BLTP3B: variants seen among roughly 807,000 people sequenced by gnomAD.
BLTP3B encodes bridge-like lipid transfer protein family member 3B, also known as UHRF1 (ICBP90) binding protein 1-like.
the BLTP3B span, chr12:100,069,772 T>G: frequency 9.0e-6 from 2 of 222,832 alleles, no homozygotes; most frequent in Non-Finnish European, 1.5e-5. Context: ...ACTGCTCCAG[T>G]GATGGGTGCA....
chr12:100,070,909 C>G, the BLTP3B span, among the ~76,000 whole-genome samples: 1 of 151,954 alleles, frequency 6.6e-6, no homozygotes, highest in African/African-American at 2.4e-5. Flanking sequence ...AGGAGAATCA[C>G]TTGAACCTGG....
At chr12:100,056,628 A>C in the BLTP3B span, among the ~76,000 whole-genome samples, 2 of 151,778 alleles carry the variant, frequency 1.3e-5, no homozygotes, top group Non-Finnish European at 2.9e-5. Context: ...ATTCGAGGTC[A>C]GGAGTTTGAG....
At chr12:100,039,581 T>C in the BLTP3B span, 1 of 1,599,440 alleles carries the variant, frequency 6.3e-7, no homozygotes, top group African/African-American at 1.3e-5. Context: ...GAATCTGAAT[T>C]AGGTTTCCCA....
the BLTP3B span, chr12:100,047,706 A>C: frequency 8.4e-7 from 1 of 1,196,770 alleles, no homozygotes; most frequent in Admixed American, 1.8e-5. Context: ...GTTAAAGATA[A>C]CACATGTATC....
the BLTP3B span, among the ~76,000 whole-genome samples, chr12:100,048,522 T>C: frequency 1.3e-5 from 2 of 152,222 alleles, no homozygotes; most frequent in Admixed American, 6.5e-5. Flanking sequence ...ATGTTGGCTG[T>C]GAAGCAGAAA....
chr12:100,135,116 T>C, the BLTP3B span, among the ~76,000 whole-genome samples: 2 of 152,186 alleles, frequency 1.3e-5, no homozygotes, highest in African/African-American at 4.8e-5. Flanking sequence ...TGTTTTCTCT[T>C]TGATCGCATC....
At chr12:100,091,333 G>A in the BLTP3B span, among the ~76,000 whole-genome samples, 15,266 of 149,806 alleles carry the variant, frequency 0.1, 1,052 homozygotes, top group Non-Finnish European at 0.16. Context: ...GGACTACAGC[G>A]CCCGCCACCA....
the BLTP3B span, among the ~76,000 whole-genome samples, chr12:100,124,936 T>TTTTATATATA: frequency 3.5e-5 from 2 of 56,544 alleles, no homozygotes; most frequent in Non-Finnish European, 6.5e-5. Flanking sequence ...AAAAAAAATT[T>TTTTATATATA]TATATATATA....
At chr12:100,053,238 C>T in the BLTP3B span, among the ~76,000 whole-genome samples, 1,030 of 151,918 alleles carry the variant, frequency 6.8e-3, 10 homozygotes, top group Non-Finnish European at 0.012. Flanking sequence ...AACCCCATCT[C>T]GACTAAAAAT....
chr12:100,116,196 G>C, the BLTP3B span, among the ~76,000 whole-genome samples: 1 of 149,300 alleles, frequency 6.7e-6, no homozygotes, highest in East Asian at 1.9e-4. Context: ...GTAAAATCTA[G>C]CCAGACACAG....
chr12:100,082,557 T>C, the BLTP3B span, among the ~76,000 whole-genome samples: 5 of 152,222 alleles, frequency 3.3e-5, no homozygotes, highest in South Asian at 1.0e-3. Context: ...TCATCTTGAG[T>C]TAATTTTTGT....
the BLTP3B span, among the ~76,000 whole-genome samples, chr12:100,118,360 C>G: frequency 3.3e-5 from 5 of 151,956 alleles, no homozygotes; most frequent in Non-Finnish European, 7.4e-5. Context: ...CTACTGCACT[C>G]CAGTCTGGGA....
the BLTP3B span, among the ~76,000 whole-genome samples, chr12:100,076,604 G>C: frequency 6.6e-6 from 1 of 152,072 alleles, no homozygotes; most frequent in Non-Finnish European, 1.5e-5. Flanking sequence ...ATGTTGGCCA[G>C]GCTGGTCTCT....
the BLTP3B span, among the ~76,000 whole-genome samples, chr12:100,126,083 G>T: frequency 6.6e-6 from 1 of 152,188 alleles, no homozygotes; most frequent in African/African-American, 2.4e-5. Context: ...CTGGGCAAAA[G>T]AGTAAGGCTA....
the BLTP3B span, chr12:100,098,378 G>A: frequency 6.2e-7 from 1 of 1,607,568 alleles, no homozygotes; most frequent in Admixed American, 1.7e-5. Flanking sequence ...TCCTGAATAC[G>A]AGTAAATCTC....
At chr12:100,095,764 G>A in the BLTP3B span, 1 of 1,613,526 alleles carries the variant, frequency 6.2e-7, no homozygotes, top group Non-Finnish European at 8.5e-7. Flanking sequence ...TTTCAACTGG[G>A]AATCAGTCAA....
chr12:100,081,643 C>T, the BLTP3B span, among the ~76,000 whole-genome samples: 4 of 152,290 alleles, frequency 2.6e-5, no homozygotes, highest in East Asian at 1.9e-4. Flanking sequence ...GTGTAGCTCC[C>T]ACTTATAAGT....
At chr12:100,114,352 G>A in the BLTP3B span, among the ~76,000 whole-genome samples, 53,521 of 152,052 alleles carry the variant, frequency 0.35, 12,702 homozygotes, top group African/African-American at 0.68. Flanking sequence ...AATTAATAAT[G>A]GAGAGTGACT....
At chr12:100,084,449 A>C in the BLTP3B span, 1 of 1,586,502 alleles carries the variant, frequency 6.3e-7, no homozygotes, top group African/African-American at 1.3e-5. Flanking sequence ...TCTTAATATT[A>C]GGGGAATGCT....
Sources: gnomAD v4.1 joint callset for allele counts (sites outside exome capture counted in the v4.1 genomes callset) on GRCh38, gnomAD v4.1.1 for gene constraint, MANE v1.5 for transcripts, NCBI Gene and HGNC (gene_info 2026-07-23, HGNC 2026-07-21) for gene names.